The following PDE4B variants were observed in gnomAD, a reference collection of about 807,000 sequenced individuals.
The protein encoded by PDE4B is phosphodiesterase 4B, also known as 3',5'-cyclic-AMP phosphodiesterase 4B.
Under a neutral mutation model 82.2 loss-of-function variants are expected in PDE4B, and 20 were observed. The ratio of observed to expected loss-of-function variants is 0.24; its 90% CI spans 0.17 to 0.35. PDE4B has a LOEUF of 0.35. Ranked by LOEUF, PDE4B falls within the 10% of genes least tolerant of loss-of-function variation. PDE4B has a pLI of 1.00. For synonymous variants in PDE4B, 320 were observed against 318.9 expected, an observed-to-expected ratio of 1.00 and a Z score of -0.04; for missense variants, 655 against 907.2, an observed-to-expected ratio of 0.72 and a Z score of 3.57.
chr1:66,001,986 AT>A (rs980573943), intron 3 of PDE4B, among the ~76,000 whole-genome samples: 34 of 152,122 alleles, frequency 2.2e-4, no homozygotes, highest in African/African-American at 7.9e-4. Context: ...ACCTCCCAAA[AT>A]GCTGTGATTA....
At chr1:66,338,158 T>C (rs1414164609) in intron 8 of PDE4B, among the ~76,000 whole-genome samples, 1 of 152,256 alleles carries the variant, frequency 6.6e-6, no homozygotes, top group Non-Finnish European at 1.5e-5. Flanking sequence ...ACTGTTATTA[T>C]TCCTGCTTTA....
chr1:66,160,657 A>G (rs1490024585), intron 3 of PDE4B, among the ~76,000 whole-genome samples: 1 of 152,210 alleles, frequency 6.6e-6, no homozygotes, highest in Non-Finnish European at 1.5e-5. Context: ...TGTAGTTACA[A>G]GAATAAAAAG....
At chr1:66,266,711 G>A (rs768823558) in intron 7 of PDE4B, 3 of 526,876 alleles carry the variant, frequency 5.7e-6, no homozygotes, top group South Asian at 4.3e-5. Context: ...GAGAGCTGCA[G>A]AGAGGAAGGG....
Position 66,023,149 on chromosome 1 carries a change from T to C in PDE4B, c.281+104314T>C, listed in dbSNP as rs554772400. On this transcript the variant is annotated intron_variant, in intron 3 of 16. Coordinates refer to ENST00000341517, the MANE Select transcript of PDE4B (RefSeq NM_002600.4). ...TTAAGGTGCTACTGAGGCTTTTTGT[T>C]GTCTTAGCTTTAGGCATACTTTATA... is the stretch of plus-strand genomic sequence containing the variant. Among the ~76,000 whole-genome samples the C allele has an allele frequency of 2.6e-5, 4 of 152,250 alleles. No homozygotes were observed. The East Asian group carries it at 7.7e-4, about 29-fold the overall frequency.
At chr1:66,066,205 C>A (rs890443360) in intron 3 of PDE4B, among the ~76,000 whole-genome samples, 4 of 151,634 alleles carry the variant, frequency 2.6e-5, no homozygotes, top group African/African-American at 9.7e-5. Flanking sequence ...TTTTTAATTT[C>A]TGTGATGAGT....
At chr1:66,101,820 G>A (rs539823781) in intron 3 of PDE4B, among the ~76,000 whole-genome samples, 63 of 152,224 alleles carry the variant, frequency 4.1e-4, no homozygotes, top group African/African-American at 1.4e-3. Context: ...TTGCTGTGCA[G>A]AAGCTCTTTA....
chr1:66,020,867 T>A (rs1392413517), intron 3 of PDE4B, among the ~76,000 whole-genome samples: 1 of 152,194 alleles, frequency 6.6e-6, no homozygotes, highest in African/African-American at 2.4e-5. Flanking sequence ...TATTTCTAGT[T>A]CTAGATCCTT....
chr1:66,347,349 C>A (rs772579511), intron 8 of PDE4B, among the ~76,000 whole-genome samples: 15 of 152,110 alleles, frequency 9.9e-5, no homozygotes, highest in Admixed American at 4.6e-4. Flanking sequence ...AAATTTATGT[C>A]TATTTTATGT....
At chr1:66,142,366 T>C (rs770129051) in intron 3 of PDE4B, among the ~76,000 whole-genome samples, 46 of 152,206 alleles carry the variant, frequency 3.0e-4, no homozygotes, top group Non-Finnish European at 6.0e-4. Context: ...TACATGTTGC[T>C]TTGCTTGGCT....
At chr1:65,992,103 A>G (rs12040309) in intron 3 of PDE4B, among the ~76,000 whole-genome samples, 4 of 151,960 alleles carry the variant, frequency 2.6e-5, no homozygotes, top group Admixed American at 6.5e-5. Context: ...GACATTTTTT[A>G]TATTGATGCT....
chr1:66,244,825 G>T (rs982264457), intron 3 of PDE4B, among the ~76,000 whole-genome samples: 1 of 152,162 alleles, frequency 6.6e-6, no homozygotes, highest in Non-Finnish European at 1.5e-5. Context: ...AGCAAACAGG[G>T]GCATCATGGA....
chr1:66,156,449 T>G (rs1646503367), intron 3 of PDE4B, among the ~76,000 whole-genome samples: 1 of 152,216 alleles, frequency 6.6e-6, no homozygotes. Flanking sequence ...CACCTGACAC[T>G]TGTTGAGCAT....
intron 1 of PDE4B, among the ~76,000 whole-genome samples, chr1:65,831,119 TAGAG>T (rs914524264): frequency 4.0e-5 from 6 of 151,710 alleles, no homozygotes; most frequent in Non-Finnish European, 7.4e-5. Flanking sequence ...CTTGAGAAAT[TAGAG>T]AAAGAAGCTT....
intron 1 of PDE4B, among the ~76,000 whole-genome samples, chr1:65,906,174 C>A (rs915765694): frequency 6.6e-6 from 1 of 152,092 alleles, no homozygotes; most frequent in African/African-American, 2.4e-5. Flanking sequence ...TGAGCATGAG[C>A]AGATGCCCAG....
chr1:65,910,642 G>T (rs1323311668), intron 1 of PDE4B, among the ~76,000 whole-genome samples: 2 of 152,166 alleles, frequency 1.3e-5, no homozygotes, highest in East Asian at 3.9e-4. Context: ...AGCAACAATG[G>T]GAAGCTGCTT....
At chr1:66,068,762 T>C (rs905579805) in intron 3 of PDE4B, among the ~76,000 whole-genome samples, 4 of 151,952 alleles carry the variant, frequency 2.6e-5, no homozygotes, top group African/African-American at 4.8e-5. Context: ...AGAAGAGTAA[T>C]CTGGGATCAT....
intron 7 of PDE4B, among the ~76,000 whole-genome samples, chr1:66,303,341 A>G (rs750994508): frequency 7.5e-5 from 9 of 119,852 alleles, no homozygotes; most frequent in South Asian, 2.5e-4. Context: ...TTATATATAT[A>G]TGTGTGTGTG....
chr1:66,277,499 G>A (rs558444983), intron 7 of PDE4B, among the ~76,000 whole-genome samples: 44 of 152,208 alleles, frequency 2.9e-4, no homozygotes, highest in Non-Finnish European at 3.2e-4. Flanking sequence ...GGGTTCAACC[G>A]ATTCTCCTGC....
At chr1:66,155,846 T>C (rs1338689933) in intron 3 of PDE4B, among the ~76,000 whole-genome samples, 3 of 152,164 alleles carry the variant, frequency 2.0e-5, no homozygotes, top group African/African-American at 7.2e-5. Context: ...CTGCTTAAAA[T>C]CATTACTGAC....
Sources: gnomAD v4.1 joint callset for allele counts (sites outside exome capture counted in the v4.1 genomes callset) on GRCh38, gnomAD v4.1.1 for gene constraint, MANE v1.5 for transcripts, NCBI Gene and HGNC (gene_info 2026-07-23, HGNC 2026-07-21) for gene names.